Variants in CERS3 observed in about 807,000 individuals in gnomAD.
The protein encoded by CERS3 is ceramide synthase 3.
CERS3 carries 33 observed loss-of-function variants against 50.3 expected under a neutral mutation model. The ratio of observed to expected loss-of-function variants is 0.66; its 90% confidence interval spans 0.50 to 0.88. The LOEUF (loss-of-function observed/expected upper bound fraction) is 0.88. Among genes scored for constraint, CERS3 ranks in the 40% least tolerant of loss-of-function variants. CERS3 has a pLI of 0.00. For synonymous variants in CERS3, 176 were observed against 155.2 expected (o/e 1.13, Z -0.99); for missense variants, 470 against 460.3 (o/e 1.02, Z -0.19).
chr15:100,462,573 A>G (rs2142214179), intron 10 of CERS3, among the ~76,000 whole-genome samples: 1 of 152,318 alleles, frequency 6.6e-6, no homozygotes, highest in South Asian at 2.1e-4. Context: ...GTGAAGGCAA[A>G]TGATACACTC....
At chr15:100,506,464 C>CCCCA (rs764549316) in intron 2 of CERS3, among the ~76,000 whole-genome samples, 16 of 14,850 alleles carry the variant, frequency 1.1e-3, no homozygotes, top group Non-Finnish European at 1.3e-3. Flanking sequence ...AATCGGGACC[C>CCCCA]CCCCGCCGCC....
intron 11 of CERS3, among the ~76,000 whole-genome samples, chr15:100,410,558 G>A (rs575970661): frequency 3.3e-5 from 5 of 152,306 alleles, no homozygotes; most frequent in Admixed American, 2.6e-4. Context: ...GAGACGAACT[G>A]CCTCACATTC....
At chr15:100,441,369 C>T (rs998493865) in intron 11 of CERS3, among the ~76,000 whole-genome samples, 6 of 151,606 alleles carry the variant, frequency 4.0e-5, no homozygotes, top group African/African-American at 1.5e-4. Flanking sequence ...TATCTCTGCA[C>T]CCCAATCCCT....
At chr15:100,531,212 CG>C (rs1373997580), upstream of CERS3, among the ~76,000 whole-genome samples, 1 of 152,210 alleles carries the variant, frequency 6.6e-6, no homozygotes, top group Non-Finnish European at 1.5e-5. Context: ...CAAATCAAAT[CG>C]GAACTATTTA....
intron 5 of CERS3, among the ~76,000 whole-genome samples, chr15:100,483,778 A>ATTT (rs1300648690): frequency 0.12 from 7,094 of 57,912 alleles, 619 homozygotes; most frequent in East Asian, 0.45. Context: ...AATAATAATT[A>ATTT]TTATTATTAT....
At chr15:100,440,226 G>A (rs1055487208) in intron 11 of CERS3, among the ~76,000 whole-genome samples, 1 of 152,008 alleles carries the variant, frequency 6.6e-6, no homozygotes, top group African/African-American at 2.4e-5. Context: ...CAGTTACTTC[G>A]ACTTTATCAC....
chr15:100,411,927 A>G (rs1451639375), intron 11 of CERS3, among the ~76,000 whole-genome samples: 1 of 152,132 alleles, frequency 6.6e-6, no homozygotes, highest in Non-Finnish European at 1.5e-5. Context: ...AGGTCTATTC[A>G]AGTCCTTTGC....
At chr15:100,455,845 T>C (rs201287095) in intron 11 of CERS3, 48 bp downstream of exon 11, 144 of 1,348,540 alleles carry the variant, frequency 1.1e-4, no homozygotes, top group Non-Finnish European at 1.4e-4. Flanking sequence ...GGCCTCACCA[T>C]TAACCTGGCA....
intron 11 of CERS3, among the ~76,000 whole-genome samples, chr15:100,445,341 A>G (rs1251086791): frequency 2.0e-5 from 3 of 149,754 alleles, no homozygotes; most frequent in South Asian, 4.3e-4. Flanking sequence ...TCTCCAAGCC[A>G]TCACAGCTGA....
chr15:100,440,962 T>C (rs1413891219), intron 11 of CERS3, among the ~76,000 whole-genome samples: 1 of 152,198 alleles, frequency 6.6e-6, no homozygotes, highest in Non-Finnish European at 1.5e-5. Context: ...AGCCTTCCCT[T>C]GGTGTTTAAT....
At chr15:100,519,510 A>G (rs1397907191) in intron 2 of CERS3, among the ~76,000 whole-genome samples, 1 of 152,230 alleles carries the variant, frequency 6.6e-6, no homozygotes, top group Admixed American at 6.5e-5. Flanking sequence ...ATACATACGA[A>G]AGACACTAAA....
At chr15:100,527,467 T>A (rs541709950) in intron 1 of CERS3, among the ~76,000 whole-genome samples, 13 of 152,346 alleles carry the variant, frequency 8.5e-5, no homozygotes, top group Non-Finnish European at 1.5e-4. Flanking sequence ...TGGCCTTTTG[T>A]TATAAGACAC....
At chr15:100,444,503 G>A (rs1472795112) in intron 11 of CERS3, among the ~76,000 whole-genome samples, 1 of 152,032 alleles carries the variant, frequency 6.6e-6, no homozygotes, top group East Asian at 1.9e-4. Context: ...GTTCCACCAG[G>A]CGTAATCGCC....
intron 11 of CERS3, among the ~76,000 whole-genome samples, chr15:100,403,829 C>T (rs200423123): frequency 6.6e-6 from 1 of 152,162 alleles, no homozygotes; most frequent in East Asian, 1.9e-4. Context: ...AGAAATAACA[C>T]AAAACATCCA....
Position 100,402,783 on chromosome 15 carries a change from T to TC in CERS3, c.1081dup (p.Glu361GlyfsTer12). 6.2e-7 allele frequency: 1 copy of TC among 1,614,204 alleles called. No individual in the cohort carries two copies. The highest frequency in any genetic ancestry group is 8.5e-7 in the Non-Finnish European group (1 of 1,180,024). ...GAGGCCGTTCTTTAAACAATCCATC[T>TC]CTTTGCCTTTGGTAGCCTCTTCTTC... On this transcript the variant is annotated frameshift_variant, in exon 12 of 12. Coordinates refer to ENST00000679737, the MANE Select transcript of CERS3 (RefSeq NM_001378789.1). LOFTEE classifies it high-confidence loss of function.
intron 11 of CERS3, among the ~76,000 whole-genome samples, chr15:100,435,784 AC>A (rs1596655089): frequency 2.0e-5 from 3 of 152,226 alleles, no homozygotes; most frequent in Admixed American, 2.0e-4. Flanking sequence ...CAAGAAAAAA[AC>A]AAACAACCCC....
chr15:100,431,298 C>T (rs1236808507), intron 11 of CERS3, among the ~76,000 whole-genome samples: 1 of 152,168 alleles, frequency 6.6e-6, no homozygotes, highest in Non-Finnish European at 1.5e-5. Flanking sequence ...GCAAGTATGT[C>T]TCACTTTATA....
intron 3 of CERS3, among the ~76,000 whole-genome samples, chr15:100,500,911 C>T (rs555978827): frequency 2.6e-5 from 4 of 152,142 alleles, no homozygotes; most frequent in Non-Finnish European, 5.9e-5. Context: ...GATTTTGTCT[C>T]AAGTTTTTCC....
intron 1 of CERS3, among the ~76,000 whole-genome samples, chr15:100,522,044 C>T (rs1217638842): frequency 4.6e-5 from 7 of 152,218 alleles, no homozygotes; most frequent in Non-Finnish European, 4.4e-5. Flanking sequence ...ATGGAACACA[C>T]GCTTACCAAC....
Sources: gnomAD v4.1 joint callset for allele counts (sites outside exome capture counted in the v4.1 genomes callset) on GRCh38, gnomAD v4.1.1 for gene constraint, MANE v1.5 for transcripts, NCBI Gene and HGNC (gene_info 2026-07-23, HGNC 2026-07-21) for gene names.